ELMO1: variants seen among roughly 807,000 people sequenced by gnomAD.
The protein encoded by ELMO1 is engulfment and cell motility 1, also known as engulfment and cell motility protein 1.
In ELMO1, 26 loss-of-function variants were observed where a neutral mutation model predicts 98.9. The ratio of observed to expected loss-of-function variants is 0.26; its 90% confidence interval spans 0.19 to 0.36. The LOEUF is 0.36. Ranked by LOEUF, ELMO1 falls within the 10% of genes least tolerant of loss-of-function variation. The probability of loss-of-function intolerance (pLI) is 1.00; values close to 1 mark genes in which losing one functional copy is unlikely to be tolerated. For synonymous variants in ELMO1, 346 were observed against 346.0 expected (o/e 1.00, Z 0.00); for missense variants, 627 against 935.2 (o/e 0.67, Z 4.30).
chr7:37,425,386 G>A (rs1043680761), intron 1 of ELMO1, among the ~76,000 whole-genome samples: 7 of 152,214 alleles, frequency 4.6e-5, no homozygotes, highest in Non-Finnish European at 7.3e-5. Flanking sequence ...CATCATATTA[G>A]GTATGAGGAT....
Position 36,877,901 on chromosome 7 carries a change from A to G in ELMO1, c.1822+109T>C, listed in dbSNP as rs1373909883. The G allele has an allele frequency of 2.8e-5, 22 of 796,850 alleles. No homozygotes were observed. In the East Asian group the frequency reaches 5.8e-4, roughly 21 times the overall value. 49.4% of individuals were successfully genotyped at this position (796,850 alleles called of 1,614,324 possible). A position where few individuals can be genotyped will look rare whatever the true frequency, so the allele number is the denominator to read the frequency against. The stretch of plus-strand genomic sequence containing the variant: ...AGGCGACGACTTACAACTAGATGAG[A>G]TGTGTTCAAAGGGCTTACTTAGGCT... On this transcript the variant is annotated intron_variant, in intron 19 of 21. Transcript: ENST00000310758.
At chr7:37,216,497 A>G in intron 11 of ELMO1, 148 bp downstream of exon 11, 1 of 922,224 alleles carries the variant, frequency 1.1e-6, no homozygotes. Context: ...AATTCCAAAA[A>G]CTCACTTTTT....
intron 20 of ELMO1, among the ~76,000 whole-genome samples, chr7:36,863,965 T>TGAA (rs1802833416): frequency 6.6e-6 from 1 of 152,176 alleles, no homozygotes; most frequent in Non-Finnish European, 1.5e-5. Flanking sequence ...CTTGAGAGAT[T>TGAA]GAAGAAAGAA....
intron 6 of ELMO1, among the ~76,000 whole-genome samples, chr7:37,248,932 C>T (rs77937880): frequency 0.067 from 10,215 of 152,208 alleles, 456 homozygotes; most frequent in African/African-American, 0.12. Context: ...GGCAAAATTC[C>T]GGAAAAGGTC....
intron 15 of ELMO1, among the ~76,000 whole-genome samples, chr7:37,072,798 C>T (rs181058743): frequency 6.6e-6 from 1 of 152,354 alleles, no homozygotes; most frequent in Admixed American, 6.5e-5. Flanking sequence ...GCAATTACAA[C>T]AGAACCAACC....
chr7:37,371,257 T>G (rs753331015), intron 1 of ELMO1, among the ~76,000 whole-genome samples: 1 of 152,178 alleles, frequency 6.6e-6, no homozygotes, highest in African/African-American at 2.4e-5. Context: ...TAATAAAATA[T>G]TCAGAGCAAT....
chr7:37,125,529 TG>T (rs1305302938), intron 14 of ELMO1, among the ~76,000 whole-genome samples: 2 of 152,016 alleles, frequency 1.3e-5, no homozygotes, highest in African/African-American at 4.8e-5. Flanking sequence ...AACAGACACA[TG>T]AAGAAATGCT....
intron 1 of ELMO1, among the ~76,000 whole-genome samples, chr7:37,367,201 A>T (rs1801940478): frequency 6.6e-6 from 1 of 152,212 alleles, no homozygotes; most frequent in Non-Finnish European, 1.5e-5. Flanking sequence ...ACCAAAGGTC[A>T]TCTCCTCAGG....
At chr7:37,019,988 T>C (rs1396895228) in intron 15 of ELMO1, among the ~76,000 whole-genome samples, 1 of 152,220 alleles carries the variant, frequency 6.6e-6, no homozygotes, top group Non-Finnish European at 1.5e-5. Flanking sequence ...TCAAAGTAGA[T>C]ATGTTCCTAT....
chr7:37,263,228 A>G (rs1384468302), intron 5 of ELMO1, among the ~76,000 whole-genome samples: 1 of 151,314 alleles, frequency 6.6e-6, no homozygotes, highest in Non-Finnish European at 1.5e-5. Context: ...CTCAGATATC[A>G]GTTATTGCAG....
intron 13 of ELMO1, among the ~76,000 whole-genome samples, chr7:37,175,205 T>C (rs1174459111): frequency 6.6e-6 from 1 of 152,072 alleles, no homozygotes; most frequent in African/African-American, 2.4e-5. Flanking sequence ...GGTTGGGTAG[T>C]TTGGTGAGAT....
chr7:37,370,901 T>G (rs1016305633), intron 1 of ELMO1, among the ~76,000 whole-genome samples: 1 of 152,110 alleles, frequency 6.6e-6, no homozygotes, highest in Non-Finnish European at 1.5e-5. Flanking sequence ...ACACAGCATC[T>G]CCTCTCCTGG....
chr7:36,961,979 TAATTA>T (rs1198573467), intron 16 of ELMO1, among the ~76,000 whole-genome samples: 1 of 152,256 alleles, frequency 6.6e-6, no homozygotes, highest in African/African-American at 2.4e-5. Flanking sequence ...TTGTGTGACT[TAATTA>T]AATTAGGCTT....
chr7:37,244,506 T>C, intron 6 of ELMO1, 115 bp from the exon 7 acceptor site: 1 of 1,029,522 alleles, frequency 9.7e-7, no homozygotes, highest in Admixed American at 2.4e-5. Context: ...TTAACTGCCA[T>C]GAAGTAAAAG....
At chr7:37,293,166 T>G (rs1421457547) in intron 4 of ELMO1, among the ~76,000 whole-genome samples, 2 of 87,504 alleles carry the variant, frequency 2.3e-5, no homozygotes, top group Non-Finnish European at 2.8e-5. Flanking sequence ...TGGCCGCGCC[T>G]ACTGGGAAGT....
Position 36,854,397 on chromosome 7 carries a change from G to A in ELMO1, c.*1154C>T, listed in dbSNP as rs1193776137. 1.8e-4 allele frequency: 27 copies of A among 152,180 alleles called. No individual in the cohort carries two copies. The highest frequency in any genetic ancestry group is 1.8e-3 in the Admixed American group (27 of 15,242). The allele number at this position is 152,180 out of a possible 1,614,324, so 9.4% of individuals were successfully genotyped here. A position where few individuals can be genotyped will look rare whatever the true frequency, so the allele number is the denominator to read the frequency against. On this transcript the variant is annotated 3_prime_UTR_variant, in exon 22 of 22. Coordinates refer to ENST00000310758, the MANE Select transcript of ELMO1 (RefSeq NM_014800.11). ...CATTTTATTCCACAGCATGTTTAAG[G>A]GAATGTTATTTTCAGGAAGATGTTT... is the stretch of plus-strand genomic sequence containing the variant.
chr7:37,359,082 A>G lies in ELMO1; in HGVS notation c.-73-16319T>C, dbSNP rs147321339. On this transcript the variant is annotated intron_variant, in intron 1 of 21. Coordinates refer to ENST00000310758, the MANE Select transcript of ELMO1 (RefSeq NM_014800.11). Reference sequence around the variant, plus strand: ...GAGATAGGACTACTCCAAATAGAAGATGGACTCTCTGCCAATTTGTTGACC... The same window carrying G: ...GAGATAGGACTACTCCAAATAGAAGGTGGACTCTCTGCCAATTTGTTGACC... Among the ~76,000 whole-genome samples the G allele has an allele frequency of 3.2e-4, 49 of 152,332 alleles. No homozygotes were observed. In the East Asian group the frequency reaches 6.6e-3, roughly 20 times the overall value.
chr7:36,923,566 G>C (rs1333693147), intron 16 of ELMO1, among the ~76,000 whole-genome samples: 1 of 152,102 alleles, frequency 6.6e-6, no homozygotes, highest in Non-Finnish European at 1.5e-5. Context: ...GAATTTTCTA[G>C]GCACTTTCTG....
At chr7:36,997,420 G>A (rs1339897524) in intron 16 of ELMO1, among the ~76,000 whole-genome samples, 1 of 152,080 alleles carries the variant, frequency 6.6e-6, no homozygotes, top group Non-Finnish European at 1.5e-5. Flanking sequence ...CAGGAAAGTG[G>A]AGTCACAGCA....
Sources: gnomAD v4.1 joint callset for allele counts (sites outside exome capture counted in the v4.1 genomes callset) on GRCh38, gnomAD v4.1.1 for gene constraint, MANE v1.5 for transcripts, NCBI Gene and HGNC (gene_info 2026-07-23, HGNC 2026-07-21) for gene names.